RYR3: variants seen among roughly 807,000 people sequenced by gnomAD.
The protein encoded by RYR3 is ryanodine receptor 3, also known as brain ryanodine receptor-calcium release channel.
RYR3 carries 207 observed loss-of-function variants against 584.3 expected under a neutral mutation model. The ratio of observed to expected loss-of-function variants is 0.35; its 90% CI spans 0.32 to 0.40. The LOEUF is 0.40. Among genes scored for constraint, RYR3 ranks in the 10% least tolerant of loss-of-function variants. The pLI is 1.00. For missense variants in RYR3, 5,616 were observed against 6,089.2 expected, an observed-to-expected ratio of 0.92 and a Z score of 2.59; for synonymous variants, 2,416 against 2,248.5, an observed-to-expected ratio of 1.07 and a Z score of -2.11.
At position 33,550,019 on chromosome 15, in the gene RYR3, A is replaced by G. The variant is rs571513488; in HGVS notation, c.816-141A>G. On this transcript the variant is annotated intron_variant, in intron 9 of 103. Transcript: ENST00000634891. ...CAGACATGAAATCCTACAGCAAGCC[A>G]GCAGCCTGGTGCGTTTTCCCTTAAG... is the stretch of plus-strand genomic sequence containing the variant. 4 of 772,126 alleles carry G rather than the reference A, an allele frequency of 5.2e-6. No homozygotes were observed. The South Asian group carries it at 5.9e-5, about 11-fold the overall frequency. The allele number at this position is 772,126 out of a possible 1,614,324, so 47.8% of individuals were successfully genotyped here.
intron 1 of RYR3, among the ~76,000 whole-genome samples, chr15:33,453,572 A>G (rs1596209625): frequency 6.6e-6 from 1 of 152,232 alleles, no homozygotes; most frequent in Non-Finnish European, 1.5e-5. Flanking sequence ...GCTGTAATAT[A>G]GTGATGATTC....
intron 6 of RYR3, among the ~76,000 whole-genome samples, chr15:33,540,344 A>G (rs535661465): frequency 6.6e-6 from 1 of 152,190 alleles, no homozygotes; most frequent in East Asian, 1.9e-4. Flanking sequence ...AAAAAGCACC[A>G]TTTGTGTCAG....
At chr15:33,523,104 C>T (rs1194518585) in intron 3 of RYR3, among the ~76,000 whole-genome samples, 4 of 152,056 alleles carry the variant, frequency 2.6e-5, no homozygotes. Context: ...ATTGTAAATG[C>T]ACCAATCAGC....
At chr15:33,664,643 C>G (rs1025994034) in intron 36 of RYR3, among the ~76,000 whole-genome samples, 3 of 109,688 alleles carry the variant, frequency 2.7e-5, no homozygotes, top group South Asian at 3.2e-4. Flanking sequence ...GAGGGAGATG[C>G]AAAATGTAGG....
rs755920817 is a variant in RYR3 at position 33,852,851 on chromosome 15, C to T, written c.13629-194C>T. 971 of 528,794 alleles carry T rather than the reference C, an allele frequency of 1.8e-3. 2 individuals are homozygous for T. Among genetic ancestry groups the T allele is most frequent in the Non-Finnish European group, 2.6e-3 (750 of 292,908 alleles). The allele number at this position is 528,794 out of a possible 1,614,324, so 32.8% of individuals were successfully genotyped here. A position where few individuals can be genotyped will look rare whatever the true frequency, so the allele number is the denominator to read the frequency against. On this transcript the variant is annotated intron_variant, in intron 94 of 103. Transcript: ENST00000634891. Reference sequence around the variant, plus strand: ...CTTCTGAGTGTTTCAAAAGCCAATACAAAGTAATGAAGCCATACATGACTC... The same window carrying T: ...CTTCTGAGTGTTTCAAAAGCCAATATAAAGTAATGAAGCCATACATGACTC...
At chr15:33,771,113 C>G (rs955363929) in intron 62 of RYR3, among the ~76,000 whole-genome samples, 1 of 144,066 alleles carries the variant, frequency 6.9e-6, no homozygotes, top group Non-Finnish European at 1.5e-5. Flanking sequence ...TTTCTCTTTC[C>G]TCATCCAACC....
In RYR3 at chr15:33,473,487, C is replaced by T. The variant is rs1596294514; in HGVS notation, c.120C>T (p.Ala40=). 10 of 1,613,762 alleles carry T rather than the reference C, an allele frequency of 6.2e-6. No homozygotes were observed. The highest frequency in any genetic ancestry group is 1.3e-5 in the African/African-American group (1 of 74,860). The change falls in exon 2 of 104, where the codon GCC becomes GCT. Residue 40 remains alanine, a synonymous_variant. Coordinates refer to ENST00000634891, the MANE Select transcript of RYR3 (RefSeq NM_001036.6). ...HKEQRKFCLA[A]EGLGNRLCFL... ...AGCAGAGGAAGTTCTGCCTGGCAGC[C>T]GAGGGACTTGGGAATCGCCTGTGCT...
At chr15:33,677,240 GA>G (rs2064244379) in intron 38 of RYR3, among the ~76,000 whole-genome samples, 1 of 152,212 alleles carries the variant, frequency 6.6e-6, no homozygotes. Flanking sequence ...GAGAGAGGGG[GA>G]TAGGGAAGCA....
At chr15:33,350,891 G>A (rs892019500) in intron 1 of RYR3, among the ~76,000 whole-genome samples, 16 of 151,878 alleles carry the variant, frequency 1.1e-4, no homozygotes, top group African/African-American at 3.9e-4. Context: ...GCTAGCAGAA[G>A]GCAAGAAATA....
In RYR3 at chr15:33,731,468, C is replaced by G. The variant is rs906831353; in HGVS notation, c.7204-6C>G. 1 of 1,602,634 alleles carries G rather than the reference C, an allele frequency of 6.2e-7. No individual in the cohort carries two copies. The highest frequency in any genetic ancestry group is 1.3e-5 in the African/African-American group (1 of 74,836). ...ATTAACCTGTGTCCCAATCTTCTTT[C>G]TCTAGGTTTCCCTAAGCACCACAGA... is the stretch of plus-strand genomic sequence containing the variant. On this transcript the variant is annotated splice_region_variant and splice_polypyrimidine_tract_variant and intron_variant, in intron 47 of 103. Transcript: ENST00000634891.
rs2061340082 is a variant in RYR3 at position 33,632,977 on chromosome 15, G to T, written c.2896G>T (p.Ala966Ser). Reference protein sequence around the residue: ...NYMMSNGYKPAPLDLSDVKLL... With the variant: ...NYMMSNGYKPSPLDLSDVKLL... ...TATGATGTCCAACGGCTATAAGCCAGCCCCTTTGGATTTGTCTGATGTGAA... is the reference window on the plus strand; with the variant it reads ...TATGATGTCCAACGGCTATAAGCCATCCCCTTTGGATTTGTCTGATGTGAA... The change falls in exon 24 of 104, where the codon GCC (alanine) becomes TCC (serine). Residue 966 changes from alanine (A) to serine (S), a missense_variant. Physicochemically the swap from Ala to Ser is moderately conservative, Grantham distance 99. Transcript: ENST00000634891. The T allele has an allele frequency of 1.2e-6, 2 of 1,613,714 alleles. No homozygotes were observed. Among genetic ancestry groups the T allele is most frequent in the Admixed American group, 3.3e-5 (2 of 59,998 alleles).
chr15:33,753,121 A>G (rs897224575), intron 57 of RYR3, among the ~76,000 whole-genome samples: 2 of 152,172 alleles, frequency 1.3e-5, no homozygotes, highest in African/African-American at 4.8e-5. Context: ...CAGTTTTCTC[A>G]CCCATACCTA....
At chr15:33,524,893 A>G (rs1231396573) in intron 3 of RYR3, among the ~76,000 whole-genome samples, 2 of 152,100 alleles carry the variant, frequency 1.3e-5, no homozygotes, top group African/African-American at 4.8e-5. Context: ...TCATAGTGTT[A>G]CAAAGTCTTT....
At chr15:33,812,716 G>T in intron 72 of RYR3, 147 bp from the exon 73 acceptor site, 1 of 691,090 alleles carries the variant, frequency 1.4e-6, no homozygotes, top group Non-Finnish European at 2.4e-6. Context: ...TATCTACAGT[G>T]TTCCAGAAGA....
intron 1 of RYR3, among the ~76,000 whole-genome samples, chr15:33,408,541 T>C (rs1465185159): frequency 2.0e-5 from 3 of 152,196 alleles, no homozygotes; most frequent in Admixed American, 6.5e-5. Context: ...GGTCAAATGG[T>C]AGTTCTGTTT....
At chr15:33,819,035 A>G (rs1478056429) in intron 76 of RYR3, among the ~76,000 whole-genome samples, 2 of 152,152 alleles carry the variant, frequency 1.3e-5, no homozygotes, top group South Asian at 2.1e-4. Context: ...AGGCAGGACA[A>G]TCGCTTGAAC....
chr15:33,664,574 T>A lies in RYR3; in HGVS notation c.5619+837T>A, dbSNP rs1448416893. 1.2e-4 allele frequency among the ~76,000 whole-genome samples: 11 copies of A among 93,510 alleles called. No homozygotes were observed. In the East Asian group the frequency reaches 5.0e-3, roughly 43 times the overall value. The allele number at this position is 93,510 out of a possible 152,430, so 61.3% of individuals were successfully genotyped here. A position where few individuals can be genotyped will look rare whatever the true frequency, so the allele number is the denominator to read the frequency against. ...ATTTATACACATATATATATAGATA[T>A]ATGTGTGTGTGTGTGTATATATATA... On this transcript the variant is annotated intron_variant, in intron 36 of 103. Coordinates refer to ENST00000634891, the MANE Select transcript of RYR3 (RefSeq NM_001036.6).
chr15:33,719,959 A>G (rs986715868), intron 43 of RYR3, among the ~76,000 whole-genome samples: 1 of 152,176 alleles, frequency 6.6e-6, no homozygotes, highest in African/African-American at 2.4e-5. Context: ...AATTTTCTTC[A>G]CATGGATTCT....
intron 48 of RYR3, among the ~76,000 whole-genome samples, chr15:33,734,273 T>G (rs1277499999): frequency 1.3e-5 from 2 of 152,214 alleles, no homozygotes; most frequent in Non-Finnish European, 2.9e-5. Flanking sequence ...ATATTTTTGA[T>G]CTTTCAAGAG....
Sources: allele counts gnomAD v4.1 joint callset (sites outside exome capture counted in the v4.1 genomes callset), GRCh38; gene constraint gnomAD v4.1.1; transcripts MANE v1.5; gene names NCBI Gene and HGNC (gene_info 2026-07-23, HGNC 2026-07-21).